The following ZNF461 variants were observed in gnomAD, a reference collection of about 807,000 sequenced individuals.
The protein encoded by ZNF461 is gonadotropin-inducible ovarian transcription factor-1.
In ZNF461, 16 loss-of-function variants were observed where a neutral mutation model predicts 18.3. That is an observed-to-expected ratio of 0.88 (90% CI 0.59 to 1.33). ZNF461 has a LOEUF of 1.33. ZNF461 is among the 40% of genes most tolerant of loss of function. The probability of loss-of-function intolerance (pLI) is 0.00; values close to 1 mark genes in which losing one functional copy is unlikely to be tolerated. For missense variants in ZNF461, 595 were observed against 669.9 expected, an observed-to-expected ratio of 0.89 and a Z score of 1.23; for synonymous variants, 179 against 216.9, an observed-to-expected ratio of 0.83 and a Z score of 1.54.
intron 3 of ZNF461, 112 bp downstream of exon 3, chr19:36,658,187 T>G: frequency 2.6e-6 from 3 of 1,134,486 alleles, no homozygotes; most frequent in Non-Finnish European, 3.7e-6. Flanking sequence ...ATCCAGTTAT[T>G]TGAAAGCTAG....
At chr19:36,642,137 G>A (rs1456145628) in intron 5 of ZNF461, among the ~76,000 whole-genome samples, 2 of 152,084 alleles carry the variant, frequency 1.3e-5, no homozygotes, top group Non-Finnish European at 2.9e-5. Flanking sequence ...TCACTTTGTT[G>A]CCCAGGCCGG....
rs1354685101 is a variant in ZNF461 at position 36,637,427 on chromosome 19, C to T, written c.*1226G>A. The T allele has an allele frequency of 6.6e-6, 1 of 152,456 alleles. No individual in the cohort carries two copies. Among genetic ancestry groups the T allele is most frequent in the South Asian group, 2.0e-4 (1 of 4,880 alleles). 9.4% of individuals were successfully genotyped at this position (152,456 alleles called of 1,614,324 possible). On this transcript the variant is annotated 3_prime_UTR_variant, in exon 6 of 6. Transcript: ENST00000588268. ...ATGTTAGCCAGGATGGTCTCGATCT[C>T]CTGACCTCGTGATCCGCCCGCCTCG...
intron 3 of ZNF461, 97 bp downstream of exon 3, chr19:36,658,202 A>G: frequency 7.5e-7 from 1 of 1,331,804 alleles, no homozygotes; most frequent in Non-Finnish European, 1.0e-6. Flanking sequence ...AGCTAGCCCT[A>G]AATTAATAGG....
intron 5 of ZNF461, 152 bp from the exon 6 acceptor site, chr19:36,640,195 G>A: frequency 1.6e-6 from 1 of 607,156 alleles, no homozygotes; most frequent in Non-Finnish European, 2.7e-6. Context: ...ACAGGGAAAT[G>A]AGAGCACTCA....
rs1280041672 is a variant in ZNF461 at position 36,639,246 on chromosome 19, TAA to T, written c.1097_1098del (p.Phe366Ter). Reference protein sequence around the residue: ...PYECKECGKTFRHRSHLTIHQ... With the variant: ...PYECKECGKTXRHRSHLTIHQ... ...TGTATAGTAAGATGTGAGCGATGCC[TAA>T]AAGTCTTTCCACATTCTTTACATTC... On this transcript the variant is annotated frameshift_variant, in exon 6 of 6. Coordinates refer to ENST00000588268, the MANE Select transcript of ZNF461 (RefSeq NM_153257.5). LOFTEE classifies it low-confidence loss of function (END_TRUNC). 19 of 1,614,098 alleles carry T rather than the reference TAA, an allele frequency of 1.2e-5. No individual in the cohort carries two copies. Among genetic ancestry groups the T allele is most frequent in the Non-Finnish European group, 1.5e-5 (18 of 1,180,024 alleles).
In ZNF461 at chr19:36,658,438, A is replaced by G; in HGVS notation, c.10-13T>C. ...ACATCACCAACTCCTAAAATGACAA[A>G]TAATAGTACTATTTTTGAAATTATA... On this transcript the variant is annotated splice_polypyrimidine_tract_variant and intron_variant, in intron 2 of 5. Coordinates refer to ENST00000588268, the MANE Select transcript of ZNF461 (RefSeq NM_153257.5). The G allele has an allele frequency of 6.3e-7, 1 of 1,585,104 alleles. No individual in the cohort carries two copies. Among genetic ancestry groups the G allele is most frequent in the Non-Finnish European group, 8.6e-7 (1 of 1,168,064 alleles).
chr19:36,657,209 G>A (rs1404551872), intron 3 of ZNF461, among the ~76,000 whole-genome samples: 8 of 151,922 alleles, frequency 5.3e-5, no homozygotes, highest in South Asian at 2.1e-4. Flanking sequence ...GGTCAGGCGC[G>A]GTGGCTCACA....
intron 2 of ZNF461, among the ~76,000 whole-genome samples, chr19:36,662,492 T>C (rs1022145452): frequency 1.6e-4 from 24 of 151,934 alleles, no homozygotes; most frequent in African/African-American, 5.6e-4. Flanking sequence ...CCTGACCTCG[T>C]GATCCGCCCG....
chr19:36,656,039 C>G (rs2037711176), intron 4 of ZNF461, among the ~76,000 whole-genome samples: 1 of 149,562 alleles, frequency 6.7e-6, no homozygotes, highest in Non-Finnish European at 1.5e-5. Flanking sequence ...GTTCTGTCGC[C>G]CAGGCGGGAG....
Position 36,656,498 on chromosome 19 carries a change from C to T in ZNF461, c.182G>A (p.Gly61Glu). 1 of 1,614,136 alleles carries T rather than the reference C, an allele frequency of 6.2e-7. No individual in the cohort carries two copies. The highest frequency in any genetic ancestry group is 8.5e-7 in the Non-Finnish European group (1 of 1,180,030). Residue 61 changes from glycine to glutamate, a missense_variant, in exon 4 of 6, where the codon GGG (glycine) becomes GAG (glutamate). Physicochemically the swap from Gly to Glu is moderately conservative, Grantham distance 98. Coordinates refer to ENST00000588268, the MANE Select transcript of ZNF461 (RefSeq NM_153257.5). ...CCTCACAACCATCCAGGGCTCCTTCCCTTGCTCCAATGAGGAGATTACGGC... is the reference window on the plus strand; with the variant it reads ...CCTCACAACCATCCAGGGCTCCTTCTCTTGCTCCAATGAGGAGATTACGGC... ...KPAVISSLEQ[G>E]KEPWMVVREE...
intron 4 of ZNF461, among the ~76,000 whole-genome samples, chr19:36,651,550 A>C (rs1170011923): frequency 1.3e-5 from 2 of 152,200 alleles, no homozygotes; most frequent in African/African-American, 2.4e-5. Context: ...AAAATTAACT[A>C]CACTCCAATA....
chr19:36,664,783 G>A lies in ZNF461; in HGVS notation c.-77C>T. ...GGAAGAAACTCAATCCAAAGAAGGT[G>A]TTGCTGGGAGAGAGGGGAGTTAAAA... On this transcript the variant is annotated 5_prime_UTR_variant, in exon 2 of 6. Transcript: ENST00000588268. The A allele has an allele frequency of 8.6e-7, 1 of 1,169,430 alleles. No individual in the cohort carries two copies. The highest frequency in any genetic ancestry group is 1.2e-6 in the Non-Finnish European group (1 of 867,240). 72.4% of individuals were successfully genotyped at this position (1,169,430 alleles called of 1,614,324 possible). A position where few individuals can be genotyped will look rare whatever the true frequency, so the allele number is the denominator to read the frequency against.
intron 1 of ZNF461, among the ~76,000 whole-genome samples, chr19:36,665,810 G>A (rs1480689441): frequency 2.0e-5 from 3 of 151,276 alleles, no homozygotes; most frequent in Non-Finnish European, 4.4e-5. Context: ...TACTACATAT[G>A]TGGTGTTTTT....
Position 36,639,837 on chromosome 19 carries a change from C to T in ZNF461, c.508G>A (p.Glu170Lys), listed in dbSNP as rs2037390067. Residue 170 changes from glutamate (E) to lysine (K), a missense_variant, in exon 6 of 6, where the codon GAA (glutamate) becomes AAA (lysine). Glu to Lys is a moderately conservative substitution (Grantham distance 56). Transcript: ENST00000588268. ...TGTTGGCTAAAAATGGGCATGTTTT[C>T]ATGGTTAATCATAAGTTGTCTAAAA... ...GYFRQLMINHENMPIFSQHTL... is the reference protein window; with the variant it reads ...GYFRQLMINHKNMPIFSQHTL... 6.2e-7 allele frequency: 1 copy of T among 1,613,928 alleles called. No homozygotes were observed. The highest frequency in any genetic ancestry group is 8.5e-7 in the Non-Finnish European group (1 of 1,179,854).
At chr19:36,648,134 G>A (rs1212768629) in intron 4 of ZNF461, among the ~76,000 whole-genome samples, 1 of 151,876 alleles carries the variant, frequency 6.6e-6, no homozygotes, top group Non-Finnish European at 1.5e-5. Context: ...AGCTGAGATT[G>A]CACCATTGCT....
chr19:36,646,262 C>T (rs563005240), intron 4 of ZNF461, among the ~76,000 whole-genome samples: 1 of 152,236 alleles, frequency 6.6e-6, no homozygotes, highest in African/African-American at 2.4e-5. Flanking sequence ...TCCCCAGTAG[C>T]TGGGATTACA....
intron 2 of ZNF461, among the ~76,000 whole-genome samples, chr19:36,664,013 TC>T (rs1245820368): frequency 1.3e-5 from 2 of 152,306 alleles, no homozygotes; most frequent in Middle Eastern, 3.4e-3. Flanking sequence ...AGAATGCCTG[TC>T]ACATAGTAGG....
intron 2 of ZNF461, among the ~76,000 whole-genome samples, chr19:36,661,636 A>T (rs987228973): frequency 6.6e-6 from 1 of 152,050 alleles, no homozygotes; most frequent in African/African-American, 2.4e-5. Flanking sequence ...AAAATTAATT[A>T]AAAATTAAGA....
At chr19:36,646,848 T>C (rs1022211234) in intron 4 of ZNF461, among the ~76,000 whole-genome samples, 12 of 152,212 alleles carry the variant, frequency 7.9e-5, no homozygotes, top group African/African-American at 2.9e-4. Flanking sequence ...TGTTAACATA[T>C]AGTTTATTAT....
Sources: gnomAD v4.1 joint callset for allele counts (sites outside exome capture counted in the v4.1 genomes callset) on GRCh38, gnomAD v4.1.1 for gene constraint, MANE v1.5 for transcripts, NCBI Gene and HGNC (gene_info 2026-07-23, HGNC 2026-07-21) for gene names.